GDAP2: variants seen among roughly 807,000 people sequenced by gnomAD.
The protein encoded by GDAP2 is ganglioside induced differentiation associated protein 2.
Under a neutral mutation model 67.0 loss-of-function variants are expected in GDAP2, and 51 were observed. The ratio of observed to expected loss-of-function variants is 0.76; its 90% CI spans 0.61 to 0.96. The LOEUF is 0.96. GDAP2 is among the 40% of genes least tolerant of loss of function. The pLI, the probability that GDAP2 is intolerant of heterozygous loss-of-function variation, is 0.00. For missense variants in GDAP2, 547 were observed against 588.3 expected (o/e 0.93, Z 0.73); for synonymous variants, 203 against 207.3 (o/e 0.98, Z 0.18).
intron 1 of GDAP2, among the ~76,000 whole-genome samples, chr1:117,922,912 C>T (rs1365083508): frequency 6.6e-6 from 1 of 152,114 alleles, no homozygotes; most frequent in Non-Finnish European, 1.5e-5. Flanking sequence ...ATGTTTCATC[C>T]CTATCTACAC....
rs1648162806 is a variant in GDAP2 at position 117,868,847 on chromosome 1, T to C, written c.*1722A>G. 1 of 152,146 alleles carries C rather than the reference T, an allele frequency of 6.6e-6. No individual in the cohort carries two copies. The highest frequency in any genetic ancestry group is 2.1e-4 in the South Asian group (1 of 4,832). The allele number at this position is 152,146 out of a possible 1,614,324, so 9.4% of individuals were successfully genotyped here. A position where few individuals can be genotyped will look rare whatever the true frequency, so the allele number is the denominator to read the frequency against. On this transcript the variant is annotated 3_prime_UTR_variant, in exon 14 of 14. Transcript: ENST00000369443. ...ACATAAGAGAAAATCTTAACATAGATGTATATATAAGGATCAAGTAATTTT... is the reference window on the plus strand; with the variant it reads ...ACATAAGAGAAAATCTTAACATAGACGTATATATAAGGATCAAGTAATTTT...
chr1:117,896,740 T>C, intron 8 of GDAP2, 93 bp downstream of exon 8: 1 of 742,716 alleles, frequency 1.3e-6, no homozygotes. Flanking sequence ...TTGGAATGCA[T>C]TATATATACA....
chr1:117,911,780 TGAGA>T (rs1649865161), intron 5 of GDAP2, among the ~76,000 whole-genome samples: 1 of 151,724 alleles, frequency 6.6e-6, no homozygotes, highest in African/African-American at 2.4e-5. Context: ...CTTTTTTTTT[TGAGA>T]TGAGGTCTCA....
At chr1:117,901,757 T>C (rs1649479123) in intron 6 of GDAP2, among the ~76,000 whole-genome samples, 1 of 152,242 alleles carries the variant, frequency 6.6e-6, no homozygotes, top group South Asian at 2.1e-4. Flanking sequence ...ACTGTCCCTG[T>C]AAGGGATAAC....
At position 117,925,914 on chromosome 1, in the gene GDAP2, T is replaced by C. The variant is rs147152381; in HGVS notation, c.-68+3534A>G. 3.9e-5 allele frequency among the ~76,000 whole-genome samples: 6 copies of C among 152,360 alleles called. No individual in the cohort carries two copies. The East Asian group carries it at 9.6e-4, about 24-fold the overall frequency. ...GATTTGAGGGTATATTCCACACGTT[T>C]AAGCCCACCAAATCACTTTAATTTA... On this transcript the variant is annotated intron_variant, in intron 1 of 13. Transcript: ENST00000369443.
At chr1:117,892,686 G>A (rs1187454651) in intron 8 of GDAP2, among the ~76,000 whole-genome samples, 1 of 152,118 alleles carries the variant, frequency 6.6e-6, no homozygotes, top group Non-Finnish European at 1.5e-5. Flanking sequence ...GCAACCAACT[G>A]AGGTTGGACA....
intron 6 of GDAP2, among the ~76,000 whole-genome samples, chr1:117,905,444 C>T (rs1015849887): frequency 9.9e-5 from 15 of 152,116 alleles, no homozygotes; most frequent in Admixed American, 9.8e-4. Context: ...GCCTCTCTCC[C>T]TCGGCAAATC....
intron 1 of GDAP2, among the ~76,000 whole-genome samples, chr1:117,926,459 T>C (rs1327268806): frequency 6.6e-6 from 1 of 152,218 alleles, no homozygotes; most frequent in Non-Finnish European, 1.5e-5. Flanking sequence ...GTAATGCTCA[T>C]AGCTCTTATT....
rs1227951022 is a variant in GDAP2 at position 117,869,417 on chromosome 1, T to A, written c.*1152A>T. 6.6e-6 allele frequency: 1 copy of A among 152,428 alleles called. No homozygotes were observed. Among genetic ancestry groups the A allele is most frequent in the Non-Finnish European group, 1.5e-5 (1 of 68,008 alleles). 9.4% of individuals were successfully genotyped at this position (152,428 alleles called of 1,614,324 possible). A position where few individuals can be genotyped will look rare whatever the true frequency, so the allele number is the denominator to read the frequency against. On this transcript the variant is annotated 3_prime_UTR_variant, in exon 14 of 14. Coordinates refer to ENST00000369443, the MANE Select transcript of GDAP2 (RefSeq NM_017686.4). ...ACAAAAAGAAAAATCACTCAAATGGTATCAAGGACAAGAGGAGTGCTGTGT... is the reference window on the plus strand; with the variant it reads ...ACAAAAAGAAAAATCACTCAAATGGAATCAAGGACAAGAGGAGTGCTGTGT...
intron 6 of GDAP2, among the ~76,000 whole-genome samples, chr1:117,905,094 T>C (rs1334463963): frequency 2.6e-5 from 4 of 152,190 alleles, no homozygotes; most frequent in Non-Finnish European, 5.9e-5. Flanking sequence ...ACACTACCAG[T>C]ACCCTTGTTC....
At chr1:117,893,910 T>C (rs1207990382) in intron 8 of GDAP2, among the ~76,000 whole-genome samples, 1 of 152,204 alleles carries the variant, frequency 6.6e-6, no homozygotes, top group African/African-American at 2.4e-5. Flanking sequence ...AAAATATTCA[T>C]TAATTTAAAA....
Position 117,866,461 on chromosome 1 carries a change from C to T in GDAP2, c.*4108G>A, listed in dbSNP as rs563327263. On this transcript the variant is annotated 3_prime_UTR_variant, in exon 14 of 14. Transcript: ENST00000369443. ...CCTTTCATTCTTCATGGTCTTTTTGCAAAACAAGAGTTAATTATATGCCAA... is the reference window on the plus strand; with the variant it reads ...CCTTTCATTCTTCATGGTCTTTTTGTAAAACAAGAGTTAATTATATGCCAA... The T allele has an allele frequency of 6.6e-6, 1 of 152,060 alleles. No individual in the cohort carries two copies. Among genetic ancestry groups the T allele is most frequent in the African/African-American group, 2.4e-5 (1 of 41,400 alleles). 9.4% of individuals were successfully genotyped at this position (152,060 alleles called of 1,614,324 possible).
intron 8 of GDAP2, 61 bp from the exon 9 acceptor site, chr1:117,887,835 G>T: frequency 3.0e-6 from 3 of 995,750 alleles, no homozygotes; most frequent in East Asian, 2.4e-5. Flanking sequence ...TTACAAATGG[G>T]ACCAATTTTT....
intron 13 of GDAP2, among the ~76,000 whole-genome samples, chr1:117,876,716 G>A (rs1164052129): frequency 6.6e-6 from 1 of 152,170 alleles, no homozygotes; most frequent in Non-Finnish European, 1.5e-5. Flanking sequence ...CTTGAGTGTG[G>A]TGGAGCTATA....
At chr1:117,897,137 G>A (rs1340201596) in intron 7 of GDAP2, 148 bp from the exon 8 acceptor site, 1 of 540,828 alleles carries the variant, frequency 1.8e-6, no homozygotes, top group African/African-American at 1.9e-5. Flanking sequence ...TCAGATTTAG[G>A]CATTTGTAAA....
intron 12 of GDAP2, among the ~76,000 whole-genome samples, chr1:117,881,004 A>G (rs1648630421): frequency 6.6e-6 from 1 of 152,188 alleles, no homozygotes; most frequent in Admixed American, 6.5e-5. Context: ...AAGAACAGCT[A>G]GCAAGTAGGT....
Position 117,891,510 on chromosome 1 carries a change from G to C in GDAP2, c.954-3736C>G, listed in dbSNP as rs557989209. ...GTAAAGCATTTCTCTGGTCAGTAAT[G>C]AGGTTGAGATTCTGCTCATGTTGAC... On this transcript the variant is annotated intron_variant, in intron 8 of 13. Coordinates refer to ENST00000369443, the MANE Select transcript of GDAP2 (RefSeq NM_017686.4). 2.0e-5 allele frequency among the ~76,000 whole-genome samples: 3 copies of C among 152,208 alleles called. No homozygotes were observed. In the East Asian group the frequency reaches 5.8e-4, roughly 29 times the overall value.
At chr1:117,912,220 A>G in intron 4 of GDAP2, 138 bp from the exon 5 acceptor site, 1 of 643,964 alleles carries the variant, frequency 1.6e-6, no homozygotes, top group Non-Finnish European at 2.8e-6. Context: ...AGCTAACCCA[A>G]CTGTACCACT....
intron 4 of GDAP2, among the ~76,000 whole-genome samples, chr1:117,912,299 T>C (rs989780527): frequency 1.3e-5 from 2 of 152,056 alleles, no homozygotes; most frequent in African/African-American, 2.4e-5. Flanking sequence ...AAAAACTGAA[T>C]AAAAAATGGG....
Sources: allele counts gnomAD v4.1 joint callset (sites outside exome capture counted in the v4.1 genomes callset), GRCh38; gene constraint gnomAD v4.1.1; transcripts MANE v1.5; gene names NCBI Gene and HGNC (gene_info 2026-07-23, HGNC 2026-07-21).